UGGT2: variants seen among roughly 807,000 people sequenced by gnomAD.
The protein encoded by UGGT2 is UDP-glucose glycoprotein glucosyltransferase 2.
In UGGT2, 180 loss-of-function variants were observed where a neutral mutation model predicts 192.1. The ratio of observed to expected loss-of-function variants is 0.94; its 90% CI spans 0.83 to 1.06. The LOEUF (loss-of-function observed/expected upper bound fraction) is 1.06, where lower values mean the gene tolerates loss of function less well. UGGT2 is among the 50% of genes least tolerant of loss of function. The pLI is 0.00. For synonymous variants in UGGT2, 580 were observed against 591.0 expected (o/e 0.98, Z 0.27); for missense variants, 1,849 against 1,795.7 (o/e 1.03, Z -0.54).
At chr13:96,052,806 G>A (rs2053523764) in intron 1 of UGGT2, among the ~76,000 whole-genome samples, 1 of 152,198 alleles carries the variant, frequency 6.6e-6, no homozygotes. Flanking sequence ...ACGAAACTAG[G>A]TACTTTAAGC....
chr13:96,039,215 A>G (rs1458660590), intron 1 of UGGT2, among the ~76,000 whole-genome samples: 1 of 146,342 alleles, frequency 6.8e-6, no homozygotes, highest in Non-Finnish European at 1.5e-5. Flanking sequence ...GGGCAGCACA[A>G]TGTTTACAGC....
At chr13:96,042,678 T>C (rs1369825593) in intron 1 of UGGT2, among the ~76,000 whole-genome samples, 2 of 150,342 alleles carry the variant, frequency 1.3e-5, no homozygotes, top group Non-Finnish European at 3.0e-5. Context: ...ATAAAAACAA[T>C]CAAAACTTCA....
intron 22 of UGGT2, among the ~76,000 whole-genome samples, chr13:95,898,074 T>A (rs781411361): frequency 9.2e-5 from 14 of 152,074 alleles, no homozygotes; most frequent in Non-Finnish European, 1.6e-4. Flanking sequence ...ATTCTTCACA[T>A]AAAATACATC....
At chr13:95,923,913 C>T (rs374380713) in intron 20 of UGGT2, among the ~76,000 whole-genome samples, 1 of 151,940 alleles carries the variant, frequency 6.6e-6, no homozygotes, top group Non-Finnish European at 1.5e-5. Context: ...TATGTACTTC[C>T]GATTTTCTAT....
chr13:95,838,522 G>A (rs1041119254), intron 36 of UGGT2, among the ~76,000 whole-genome samples: 1 of 152,230 alleles, frequency 6.6e-6, no homozygotes. Flanking sequence ...TCAGAGGGCT[G>A]ACACTACCAC....
At chr13:95,923,657 A>G (rs1347477999) in intron 20 of UGGT2, among the ~76,000 whole-genome samples, 2 of 152,244 alleles carry the variant, frequency 1.3e-5, no homozygotes, top group Non-Finnish European at 2.9e-5. Flanking sequence ...CAGTAGCAAA[A>G]AAACAAAACC....
At chr13:96,042,007 C>T (rs1034994021) in intron 1 of UGGT2, among the ~76,000 whole-genome samples, 47 of 152,092 alleles carry the variant, frequency 3.1e-4, no homozygotes, top group African/African-American at 1.0e-3. Flanking sequence ...CCTGATCCTC[C>T]CCATACTACC....
intron 9 of UGGT2, 93 bp from the exon 10 acceptor site, chr13:95,983,957 G>A (rs117818255): frequency 0.031 from 23,892 of 781,530 alleles, 489 homozygotes; most frequent in Non-Finnish European, 0.038. Context: ...TGGATAAGAA[G>A]CTAAAAACTC....
chr13:95,984,098 T>C (rs61972948), intron 9 of UGGT2, among the ~76,000 whole-genome samples: 6,750 of 152,312 alleles, frequency 0.044, 174 homozygotes, highest in Non-Finnish European at 0.059. Flanking sequence ...GCAGTATGGA[T>C]TGTCATCATT....
At chr13:95,847,319 A>G (rs9561965) in intron 36 of UGGT2, among the ~76,000 whole-genome samples, 19,396 of 152,042 alleles carry the variant, frequency 0.13, 1,771 homozygotes, top group East Asian at 0.34. Context: ...ATACTCATTC[A>G]AAGTCTACAG....
chr13:95,971,773 A>C (rs539991880), intron 11 of UGGT2, among the ~76,000 whole-genome samples: 1 of 152,284 alleles, frequency 6.6e-6, no homozygotes, highest in East Asian at 1.9e-4. Context: ...CAAGTAACTA[A>C]AGAGAAAAGC....
At chr13:95,901,970 G>T (rs1001666368) in intron 21 of UGGT2, among the ~76,000 whole-genome samples, 1 of 151,910 alleles carries the variant, frequency 6.6e-6, no homozygotes, top group Non-Finnish European at 1.5e-5. Context: ...TCTATCTCAG[G>T]GTACTTTACT....
chr13:95,867,339 TTTTAC>T lies in UGGT2; in HGVS notation c.3553_3557del (p.Val1185SerfsTer9), dbSNP rs1454843614. The T allele has an allele frequency of 9.3e-6, 15 of 1,605,374 alleles. No individual in the cohort carries two copies. Among genetic ancestry groups the T allele is most frequent in the Admixed American group, 1.7e-5 (1 of 58,582 alleles). ...TATAAAAAGTTCTGCCCCCACATACTTTTACTTTGAGTATCTTGCTTTTGAAGCTG... is the reference window on the plus strand; with the variant it reads ...TATAAAAAGTTCTGCCCCCACATACTTTTGAGTATCTTGCTTTTGAAGCTG... On this transcript the variant is annotated frameshift_variant and splice_region_variant, in exon 30 of 39. Coordinates refer to ENST00000376747, the MANE Select transcript of UGGT2 (RefSeq NM_020121.4). LOFTEE classifies it high-confidence loss of function.
At position 95,949,518 on chromosome 13, in the gene UGGT2, T is replaced by G. The variant is rs2049990454; in HGVS notation, c.1336-64A>C. On this transcript the variant is annotated intron_variant, in intron 12 of 38. Coordinates refer to ENST00000376747, the MANE Select transcript of UGGT2 (RefSeq NM_020121.4). ...CACTGAAATCATTTTCAAAGCCAGA[T>G]TTTTACTATATCGTGATAAATAAAA... The G allele has an allele frequency of 3.0e-6, 4 of 1,345,818 alleles. No homozygotes were observed. The Admixed American group carries it at 1.1e-4, about 38-fold the overall frequency. 83.4% of individuals were successfully genotyped at this position (1,345,818 alleles called of 1,614,324 possible). A position where few individuals can be genotyped will look rare whatever the true frequency, so the allele number is the denominator to read the frequency against.
chr13:95,910,177 C>T (rs2048442033), intron 20 of UGGT2, among the ~76,000 whole-genome samples: 1 of 152,170 alleles, frequency 6.6e-6, no homozygotes, highest in Non-Finnish European at 1.5e-5. Context: ...GAAGAAACTG[C>T]ATCAATTAAC....
At position 95,968,944 on chromosome 13, in the gene UGGT2, G is replaced by A. The variant is rs149615647; in HGVS notation, c.1335+1168C>T. On this transcript the variant is annotated intron_variant, in intron 12 of 38. Transcript: ENST00000376747. ...TGTTTACATGACTGTCTCTTGACTG[G>A]GTCCTGATAATTAAGCTCTTGGAAT... is the stretch of plus-strand genomic sequence containing the variant. Among the ~76,000 whole-genome samples, 987 of 152,160 alleles carry A rather than the reference G, an allele frequency of 6.5e-3. 12 individuals are homozygous for A. The highest frequency in any genetic ancestry group is 0.023 in the African/African-American group (936 of 41,510).
chr13:95,853,613 G>A lies in UGGT2; in HGVS notation c.4214C>T (p.Ala1405Val), dbSNP rs764318415. 7 of 1,593,124 alleles carry A rather than the reference G, an allele frequency of 4.4e-6. No homozygotes were observed. Among genetic ancestry groups the A allele is most frequent in the Admixed American group, 3.7e-5 (2 of 53,676 alleles). Residue 1405 changes from alanine (A) to valine (V), a missense_variant, in exon 36 of 39, where the codon GCA becomes GTA. Coordinates refer to ENST00000376747, the MANE Select transcript of UGGT2 (RefSeq NM_020121.4). ...VDLKKFRRIG[A>V]GDRLRSQYQA... ...ATACTGGCTCCTGAGCCTGTCACCT[G>A]CTCCAATTCTCCTGAACTTCTTGAG... is the stretch of plus-strand genomic sequence containing the variant.
Position 95,989,970 on chromosome 13 carries a change from T to C in UGGT2, c.931+3A>G. On this transcript the variant is annotated splice_donor_region_variant and intron_variant, in intron 8 of 38. Transcript: ENST00000376747. ...TGTGTTAAAGTATCTCAAAATACTATACCTTGTAGTTCCCAGACTTTCAAA... is the reference window on the plus strand; with the variant it reads ...TGTGTTAAAGTATCTCAAAATACTACACCTTGTAGTTCCCAGACTTTCAAA... 6 of 1,593,684 alleles carry C rather than the reference T, an allele frequency of 3.8e-6. No individual in the cohort carries two copies. Among genetic ancestry groups the C allele is most frequent in the South Asian group, 2.3e-5 (2 of 87,898 alleles).
chr13:95,818,024 A>G (rs1885082799), intron 38 of UGGT2, among the ~76,000 whole-genome samples: 2 of 152,172 alleles, frequency 1.3e-5, no homozygotes, highest in South Asian at 4.1e-4. Context: ...AGCACCAAAA[A>G]TACCCTGGCC....
Sources: gnomAD v4.1 joint callset for allele counts (sites outside exome capture counted in the v4.1 genomes callset) on GRCh38, gnomAD v4.1.1 for gene constraint, MANE v1.5 for transcripts, NCBI Gene and HGNC (gene_info 2026-07-23, HGNC 2026-07-21) for gene names.